The following NUP210 variants were observed in gnomAD, a reference collection of about 807,000 sequenced individuals.
NUP210 encodes nuclear pore membrane glycoprotein 210.
In NUP210, 151 loss-of-function variants were observed where a neutral mutation model predicts 196.0. The ratio of observed to expected loss-of-function variants is 0.77; its 90% CI spans 0.67 to 0.88. NUP210 has a LOEUF of 0.88. Among genes scored for constraint, NUP210 ranks in the 40% least tolerant of loss-of-function variants. The pLI is 0.00. For missense variants in NUP210, 2,314 were observed against 2,493.7 expected, an observed-to-expected ratio of 0.93 and a Z score of 1.53; for synonymous variants, 1,070 against 1,052.7, an observed-to-expected ratio of 1.02 and a Z score of -0.32.
chr3:13,334,508 G>T (rs1421879955), intron 28 of NUP210, among the ~76,000 whole-genome samples: 1 of 152,124 alleles, frequency 6.6e-6, no homozygotes, highest in African/African-American at 2.4e-5. Context: ...TGAAAAGTTT[G>T]CTTCTTTGCC....
chr3:13,376,315 C>A lies in NUP210; in HGVS notation c.1269G>T (p.Ala423=). 6.2e-7 allele frequency: 1 copy of A among 1,613,974 alleles called. No homozygotes were observed. Among genetic ancestry groups the A allele is most frequent in the South Asian group, 1.1e-5 (1 of 91,074 alleles). Residue 423 remains alanine, a synonymous_variant, in exon 10 of 40, where the codon GCG becomes GCT. Coordinates refer to ENST00000254508, the MANE Select transcript of NUP210 (RefSeq NM_024923.4). ...CCTGGTCCACCACAGAGGTGAGGGCCGCGTCAATGGCCGTCTGTCCCCTCT... is the reference window on the plus strand; with the variant it reads ...CCTGGTCCACCACAGAGGTGAGGGCAGCGTCAATGGCCGTCTGTCCCCTCT... The part of the protein sequence containing the change: ...ALKRGQTAID[A]ALTSVVDQDG...
chr3:13,404,181 C>G (rs1407433839), intron 1 of NUP210, among the ~76,000 whole-genome samples: 1 of 152,224 alleles, frequency 6.6e-6, no homozygotes, highest in Non-Finnish European at 1.5e-5. Flanking sequence ...GCAACAGCCA[C>G]CAATTCCGTC....
At chr3:13,412,247 T>TTTTTTTTTTTTTGA (rs1553605356) in intron 1 of NUP210, among the ~76,000 whole-genome samples, 1 of 135,646 alleles carries the variant, frequency 7.4e-6, no homozygotes, top group African/African-American at 3.3e-5. Context: ...TTTTTTTTTT[T>TTTTTTTTTTTTTGA]AGTAGAGACA....
chr3:13,351,670 T>C, intron 20 of NUP210: 2 of 532,546 alleles, frequency 3.8e-6, no homozygotes, highest in Non-Finnish European at 6.7e-6. Flanking sequence ...ATTTTTCTTT[T>C]TTTTTTTGTA....
chr3:13,406,793 C>T lies in NUP210; in HGVS notation c.168-6932G>A, dbSNP rs752810793. ...TCTTCTCTGCACCTCAGCAGGTGGGCGGCATGTCTGCCCTACCCTCCCACT... is the reference window on the plus strand; with the variant it reads ...TCTTCTCTGCACCTCAGCAGGTGGGTGGCATGTCTGCCCTACCCTCCCACT... On this transcript the variant is annotated intron_variant, in intron 1 of 39. Transcript: ENST00000254508. Among the ~76,000 whole-genome samples the T allele has an allele frequency of 5.3e-5, 8 of 152,334 alleles. No homozygotes were observed. In the East Asian group the frequency reaches 1.2e-3, roughly 22 times the overall value.
At chr3:13,331,287 T>A (rs1156452933) in intron 29 of NUP210, among the ~76,000 whole-genome samples, 1 of 152,202 alleles carries the variant, frequency 6.6e-6, no homozygotes. Flanking sequence ...CCCTTTTACA[T>A]ATTTATTAAT....
rs372038998 is a variant in NUP210, at chr3:13,373,843, A to G, written c.1462T>C (p.Ser488Pro). The G allele has an allele frequency of 3.7e-6, 6 of 1,613,938 alleles. No individual in the cohort carries two copies. Among genetic ancestry groups the G allele is most frequent in the South Asian group, 2.2e-5 (2 of 91,014 alleles). Residue 488 changes from serine (S) to proline (P), a missense_variant, in exon 12 of 40, where the codon TCT (serine) becomes CCT (proline). Coordinates refer to ENST00000254508, the MANE Select transcript of NUP210 (RefSeq NM_024923.4). ...GTGGCAACCAGGTGGCTTGACGAAG[A>G]CCAGCTGAAGTTCCCACTGCCACCG... Reference protein sequence around the residue: ...AHGGSGNFSWSSSSHLVATVT... With the variant: ...AHGGSGNFSWPSSSHLVATVT...
At position 13,329,803 on chromosome 3, in the gene NUP210, G is replaced by A. The variant is rs1330653270; in HGVS notation, c.4110+657C>T. On this transcript the variant is annotated intron_variant, in intron 30 of 39. Coordinates refer to ENST00000254508, the MANE Select transcript of NUP210 (RefSeq NM_024923.4). Reference sequence around the variant, plus strand: ...AGGACCTGACCCAGGGATGCTGATGGAGAAGGTCCCATCCGTAAGGAACAC... The same window carrying A: ...AGGACCTGACCCAGGGATGCTGATGAAGAAGGTCCCATCCGTAAGGAACAC... Among the ~76,000 whole-genome samples, 3 of 152,182 alleles carry A rather than the reference G, an allele frequency of 2.0e-5. No homozygotes were observed. The East Asian group carries it at 5.8e-4, about 29-fold the overall frequency.
At chr3:13,359,946 A>G (rs1698313062) in intron 15 of NUP210, among the ~76,000 whole-genome samples, 1 of 152,236 alleles carries the variant, frequency 6.6e-6, no homozygotes, top group South Asian at 2.1e-4. Flanking sequence ...CCCTGGAGAC[A>G]TTGGACTTGT....
intron 10 of NUP210, 24 bp downstream of exon 10, chr3:13,376,267 G>A (rs1698901446): frequency 1.2e-6 from 2 of 1,612,142 alleles, no homozygotes; most frequent in South Asian, 1.1e-5. Flanking sequence ...GACAAGGCAC[G>A]ACGCAGGGGA....
At chr3:13,381,739 G>C (rs1263373296) in intron 6 of NUP210, among the ~76,000 whole-genome samples, 1 of 152,170 alleles carries the variant, frequency 6.6e-6, no homozygotes, top group South Asian at 2.1e-4. Context: ...TCATCTGCAG[G>C]GGGTGAACAG....
chr3:13,408,883 T>C (rs1171517459), intron 1 of NUP210, among the ~76,000 whole-genome samples: 1 of 151,740 alleles, frequency 6.6e-6, no homozygotes, highest in Admixed American at 6.6e-5. Context: ...ACTCTGCAAG[T>C]GTTTTCAGGG....
chr3:13,417,324 TAAAATAAAA>T (rs1202200653), intron 1 of NUP210, among the ~76,000 whole-genome samples: 1 of 152,186 alleles, frequency 6.6e-6, no homozygotes. Context: ...TTTGATGTTA[TAAAATAAAA>T]AAAATAGGAA....
At chr3:13,341,169 T>C (rs377544692) in intron 23 of NUP210, 14 of 152,540 alleles carry the variant, frequency 9.2e-5, no homozygotes, top group East Asian at 3.8e-4. Context: ...ACAACTGCCA[T>C]GGCCTGTGGC....
chr3:13,397,918 T>C (rs1275484122), intron 2 of NUP210, among the ~76,000 whole-genome samples: 1 of 152,200 alleles, frequency 6.6e-6, no homozygotes, highest in East Asian at 1.9e-4. Flanking sequence ...TAAAAGACTA[T>C]CAAGTATAGT....
chr3:13,319,036 G>A (rs1324116139), intron 39 of NUP210, 36 bp downstream of exon 39: 5 of 1,564,258 alleles, frequency 3.2e-6, no homozygotes, highest in Non-Finnish European at 4.3e-6. Flanking sequence ...TTTCTCAGCA[G>A]CTCTGCCTGG....
chr3:13,406,480 C>A (rs912683145), intron 1 of NUP210, among the ~76,000 whole-genome samples: 19 of 152,304 alleles, frequency 1.2e-4, no homozygotes, highest in African/African-American at 3.4e-4. Context: ...TACTCAAAAC[C>A]GGGTCTGGAG....
chr3:13,317,895 T>C (rs969354546), intron 39 of NUP210, 114 bp from the exon 40 acceptor site: 10 of 720,248 alleles, frequency 1.4e-5, no homozygotes, highest in Non-Finnish European at 2.3e-5. Flanking sequence ...CTCACAGTGA[T>C]GCCCCGAGGC....
Position 13,386,310 on chromosome 3 carries a change from T to C in NUP210, c.782A>G (p.Tyr261Cys). 6.2e-7 allele frequency: 1 copy of C among 1,614,164 alleles called. No individual in the cohort carries two copies. The highest frequency in any genetic ancestry group is 2.2e-5 in the East Asian group (1 of 44,882). The change falls in exon 6 of 40, where the codon TAC (tyrosine) becomes TGC (cysteine). Residue 261 changes from tyrosine to cysteine, a missense_variant. Coordinates refer to ENST00000254508, the MANE Select transcript of NUP210 (RefSeq NM_024923.4). ...CCCTTGCCTGATCTTCTGCACCTTG[T>C]AGTGAATGGAGGTTCCCACCATCAG... ...VYLMVGTSIH[Y>C]KVQKIRQGKI...
Sources: allele counts gnomAD v4.1 joint callset (sites outside exome capture counted in the v4.1 genomes callset), GRCh38; gene constraint gnomAD v4.1.1; transcripts MANE v1.5; gene names NCBI Gene and HGNC (gene_info 2026-07-23, HGNC 2026-07-21).